The following WDPCP variants were observed in gnomAD, a reference collection of about 807,000 sequenced individuals.
WDPCP encodes the protein WD repeat containing planar cell polarity effector.
WDPCP carries 71 observed loss-of-function variants against 93.1 expected under a neutral mutation model. That is an observed-to-expected ratio of 0.76 (90% CI 0.63 to 0.93). WDPCP has a LOEUF of 0.93. Ranked by LOEUF, WDPCP falls within the 40% of genes least tolerant of loss-of-function variation. WDPCP has a pLI of 0.00. For synonymous variants in WDPCP, 315 were observed against 315.0 expected, an observed-to-expected ratio of 1.00 and a Z score of 0.00; for missense variants, 844 against 887.4, an observed-to-expected ratio of 0.95 and a Z score of 0.62.
At chr2:63,298,459 A>C (rs1213109682) in intron 13 of WDPCP, among the ~76,000 whole-genome samples, 2 of 151,852 alleles carry the variant, frequency 1.3e-5, no homozygotes, top group Non-Finnish European at 2.9e-5. Context: ...GCATTATCCC[A>C]TTGGCTGCCA....
chr2:63,327,554 T>A (rs1316234888), intron 12 of WDPCP, among the ~76,000 whole-genome samples: 1 of 152,140 alleles, frequency 6.6e-6, no homozygotes, highest in African/African-American at 2.4e-5. Context: ...ACTTCCTCAC[T>A]GCTGAGAAAG....
At chr2:63,245,273 A>C (rs1680183315) in intron 14 of WDPCP, among the ~76,000 whole-genome samples, 1 of 152,182 alleles carries the variant, frequency 6.6e-6, no homozygotes, top group Non-Finnish European at 1.5e-5. Flanking sequence ...ACCTATGTGT[A>C]TTACTCACTG....
At chr2:63,624,444 A>T (rs1709784819) in intron 3 of WDPCP, among the ~76,000 whole-genome samples, 1 of 152,188 alleles carries the variant, frequency 6.6e-6, no homozygotes, top group Non-Finnish European at 1.5e-5. Flanking sequence ...CCAGACTAAT[A>T]TAGAAGAAAA....
At chr2:63,691,592 G>A (rs967872913) in intron 2 of WDPCP, among the ~76,000 whole-genome samples, 1 of 151,954 alleles carries the variant, frequency 6.6e-6, no homozygotes, top group East Asian at 1.9e-4. Context: ...CCAAGATTGT[G>A]CCACTGCATT....
intron 2 of WDPCP, among the ~76,000 whole-genome samples, chr2:63,758,791 T>C (rs954317249): frequency 3.6e-4 from 55 of 151,848 alleles, no homozygotes; most frequent in African/African-American, 1.2e-3. Context: ...TTATTTTTAT[T>C]TTTTGAGACA....
chr2:63,177,144 T>C (rs13403570), intron 14 of WDPCP, among the ~76,000 whole-genome samples: 3,033 of 152,334 alleles, frequency 0.02, 112 homozygotes, highest in African/African-American at 0.069. Context: ...CCAGTACTAA[T>C]GTTTAGATTA....
intron 2 of WDPCP, among the ~76,000 whole-genome samples, chr2:63,671,664 C>T (rs755355078): frequency 2.0e-5 from 3 of 152,112 alleles, no homozygotes; most frequent in Non-Finnish European, 4.4e-5. Context: ...TCTCGTGCTT[C>T]AGCCTCCCTA....
intron 10 of WDPCP, among the ~76,000 whole-genome samples, chr2:63,384,526 C>A (rs1224278938): frequency 2.0e-5 from 3 of 152,006 alleles, no homozygotes; most frequent in Non-Finnish European, 2.9e-5. Flanking sequence ...CCAATGCACA[C>A]ACATAATTAA....
chr2:63,492,100 T>C (rs1170405535), intron 2 of WDPCP, among the ~76,000 whole-genome samples: 1 of 152,182 alleles, frequency 6.6e-6, no homozygotes, highest in Non-Finnish European at 1.5e-5. Context: ...ATCAAAGTCA[T>C]CCTTAATTCT....
intron 14 of WDPCP, among the ~76,000 whole-genome samples, chr2:63,248,477 T>G (rs2104695194): frequency 6.6e-6 from 1 of 152,280 alleles, no homozygotes; most frequent in Middle Eastern, 3.4e-3. Context: ...TCCTCAAATT[T>G]GGGAGGGTTT....
intron 2 of WDPCP, among the ~76,000 whole-genome samples, chr2:63,789,320 T>C (rs1296987697): frequency 6.6e-6 from 1 of 152,178 alleles, no homozygotes; most frequent in Non-Finnish European, 1.5e-5. Flanking sequence ...TTTTTTTTCT[T>C]AGCAAGGGCC....
intron 13 of WDPCP, among the ~76,000 whole-genome samples, chr2:63,301,520 C>A (rs1575095027): frequency 6.6e-6 from 1 of 152,304 alleles, no homozygotes; most frequent in Middle Eastern, 3.4e-3. Flanking sequence ...TTCTGGAGAT[C>A]CATTTTTCAG....
chr2:63,497,590 A>G (rs187530486), intron 1 of WDPCP, among the ~76,000 whole-genome samples: 1 of 152,324 alleles, frequency 6.6e-6, no homozygotes, highest in African/African-American at 2.4e-5. Flanking sequence ...TAATAACTAG[A>G]TGGGCAAGGT....
chr2:63,739,198 C>G (rs1669680939), intron 2 of WDPCP, among the ~76,000 whole-genome samples: 1 of 152,062 alleles, frequency 6.6e-6, no homozygotes, highest in Non-Finnish European at 1.5e-5. Flanking sequence ...CTCAAGTAGA[C>G]CCCAGTGTCT....
intron 6 of WDPCP, among the ~76,000 whole-genome samples, chr2:63,460,363 G>T (rs1338667179): frequency 6.6e-6 from 1 of 152,116 alleles, no homozygotes; most frequent in Non-Finnish European, 1.5e-5. Context: ...TCGGTTATGA[G>T]TCCAAACATA....
In WDPCP at chr2:63,246,710, G is replaced by A. The variant is rs189702132; in HGVS notation, c.1915+12597C>T. Among the ~76,000 whole-genome samples, 237 of 152,256 alleles carry A rather than the reference G, an allele frequency of 1.6e-3. 1 individual carries two copies. Among genetic ancestry groups the A allele is most frequent in the African/African-American group, 5.1e-3 (211 of 41,568 alleles). ...TTAACTGATGATGATAAACAAGGTG[G>A]TGACTTTGAAGGATTCTGTATGTCA... is the stretch of plus-strand genomic sequence containing the variant. On this transcript the variant is annotated intron_variant, in intron 14 of 17. Coordinates refer to ENST00000272321, the MANE Select transcript of WDPCP (RefSeq NM_015910.7).
chr2:63,413,832 G>A (rs1482850290), intron 9 of WDPCP, among the ~76,000 whole-genome samples: 1 of 151,682 alleles, frequency 6.6e-6, no homozygotes, highest in African/African-American at 2.4e-5. Flanking sequence ...TAAATAGCTG[G>A]GACTTAATTA....
intron 2 of WDPCP, among the ~76,000 whole-genome samples, chr2:63,811,429 G>A (rs1575779867): frequency 1.3e-5 from 2 of 152,184 alleles, no homozygotes; most frequent in Admixed American, 1.3e-4. Context: ...AGGAACTACA[G>A]GTGGTCTCTA....
At chr2:63,539,994 A>C (rs1704590470) in intron 1 of WDPCP, among the ~76,000 whole-genome samples, 1 of 152,202 alleles carries the variant, frequency 6.6e-6, no homozygotes, top group Non-Finnish European at 1.5e-5. Flanking sequence ...GTTATGTTCC[A>C]AGAGCTATGC....
Sources: allele counts gnomAD v4.1 joint callset (sites outside exome capture counted in the v4.1 genomes callset), GRCh38; gene constraint gnomAD v4.1.1; transcripts MANE v1.5; gene names NCBI Gene and HGNC (gene_info 2026-07-23, HGNC 2026-07-21).